Variants in PBRM1 observed in about 807,000 individuals in gnomAD.
PBRM1 encodes protein polybromo-1.
In PBRM1, 27 loss-of-function variants were observed where a neutral mutation model predicts 194.5. The observed-to-expected ratio is 0.14, with a 90% CI of 0.10 to 0.19. The LOEUF is 0.19. Among genes scored for constraint, PBRM1 ranks in the 10% least tolerant of loss-of-function variants. PBRM1 has a pLI of 1.00. For synonymous variants in PBRM1, 655 were observed against 693.2 expected (o/e 0.94, Z 0.87); for missense variants, 1,466 against 2,077.2 (o/e 0.71, Z 5.72).
chr3:52,642,562 T>C (rs986165245), intron 9 of PBRM1, among the ~76,000 whole-genome samples: 10 of 147,818 alleles, frequency 6.8e-5, no homozygotes, highest in East Asian at 2.0e-4. Flanking sequence ...GTTGCAGAGA[T>C]TGTGCCACTG....
chr3:52,592,287 A>C (rs1375586172), intron 17 of PBRM1, among the ~76,000 whole-genome samples: 1 of 151,778 alleles, frequency 6.6e-6, no homozygotes, highest in East Asian at 1.9e-4. Context: ...GCGTGCCACC[A>C]CACCTGGCTA....
At chr3:52,588,991 A>T (rs2092745310) in intron 18 of PBRM1, 79 bp downstream of exon 20, 1 of 1,002,422 alleles carries the variant, frequency 1.0e-6, no homozygotes, top group African/African-American at 1.6e-5. Flanking sequence ...TCTGAGTTAA[A>T]ATTTTCTTCC....
chr3:52,679,256 G>C (rs964551591), intron 1 of PBRM1, among the ~76,000 whole-genome samples: 1 of 148,422 alleles, frequency 6.7e-6, no homozygotes, highest in African/African-American at 2.5e-5. Context: ...TCCCCCGCCT[G>C]GAATCTAAGT....
At chr3:52,647,343 A>G (rs1208654492) in intron 7 of PBRM1, among the ~76,000 whole-genome samples, 1 of 148,556 alleles carries the variant, frequency 6.7e-6, no homozygotes, top group Non-Finnish European at 1.5e-5. Context: ...TAGAGTTTGG[A>G]AAACAGTTTG....
At chr3:52,605,678 T>C (rs1026540926) in intron 16 of PBRM1, among the ~76,000 whole-genome samples, 13 of 149,908 alleles carry the variant, frequency 8.7e-5, no homozygotes, top group African/African-American at 1.7e-4. Context: ...TCTCAGCTCA[T>C]TGCAACCTCT....
intron 15 of PBRM1, among the ~76,000 whole-genome samples, chr3:52,614,533 A>G (rs917197681): frequency 6.6e-6 from 1 of 151,342 alleles, no homozygotes; most frequent in Non-Finnish European, 1.5e-5. Context: ...AATGGTATTA[A>G]TAACTTTTCC....
intron 5 of PBRM1, among the ~76,000 whole-genome samples, chr3:52,652,873 C>G (rs888109709): frequency 6.6e-6 from 1 of 151,904 alleles, no homozygotes; most frequent in Non-Finnish European, 1.5e-5. Flanking sequence ...TGGTGTGCGC[C>G]TGTAATCCCA....
chr3:52,580,098 T>A (rs1328390930), intron 20 of PBRM1, among the ~76,000 whole-genome samples: 1 of 151,980 alleles, frequency 6.6e-6, no homozygotes, highest in Non-Finnish European at 1.5e-5. Flanking sequence ...AAATTAGCTG[T>A]CTTTGGTGAC....
At chr3:52,604,352 G>GA (rs1369077856) in intron 16 of PBRM1, among the ~76,000 whole-genome samples, 2 of 152,102 alleles carry the variant, frequency 1.3e-5, no homozygotes, top group Non-Finnish European at 2.9e-5. Context: ...GTGAAAGATG[G>GA]AAAAAAGATT....
At chr3:52,556,214 T>C (rs961214766) in intron 26 of PBRM1, among the ~76,000 whole-genome samples, 1 of 152,182 alleles carries the variant, frequency 6.6e-6, no homozygotes, top group African/African-American at 2.4e-5. Context: ...AATTCTGAGG[T>C]CGATTCACCC....
chr3:52,649,696 A>G (rs974537782), intron 6 of PBRM1, among the ~76,000 whole-genome samples: 79 of 152,334 alleles, frequency 5.2e-4, no homozygotes, highest in East Asian at 1.5e-3. Context: ...CAGGCATTGG[A>G]AAACAAGTGA....
chr3:52,572,242 T>C (rs1423060316), intron 22 of PBRM1, among the ~76,000 whole-genome samples: 2 of 152,034 alleles, frequency 1.3e-5, no homozygotes, highest in Admixed American at 1.3e-4. Flanking sequence ...AAATCTACTG[T>C]GAAGGGAACA....
At chr3:52,554,092 A>AC (rs2153423902) in intron 27 of PBRM1, among the ~76,000 whole-genome samples, 2 of 152,244 alleles carry the variant, frequency 1.3e-5, no homozygotes, top group African/African-American at 4.8e-5. Flanking sequence ...GAGCCATTAC[A>AC]CCTGGCATGT....
intron 17 of PBRM1, among the ~76,000 whole-genome samples, chr3:52,593,881 A>G (rs1280553000): frequency 6.6e-6 from 1 of 152,122 alleles, no homozygotes; most frequent in Non-Finnish European, 1.5e-5. Context: ...CCATGTGGTA[A>G]TGAGAAGAAT....
chr3:52,629,637 TAA>T (rs1039171290), intron 11 of PBRM1, among the ~76,000 whole-genome samples: 8 of 152,216 alleles, frequency 5.3e-5, no homozygotes, highest in African/African-American at 1.9e-4. Flanking sequence ...GATTTTTACT[TAA>T]AAGTCTTAAG....
chr3:52,644,642 C>T (rs757773909), intron 8 of PBRM1, 62 bp downstream of exon 9: 9 of 732,356 alleles, frequency 1.2e-5, no homozygotes, highest in Non-Finnish European at 1.8e-5. Context: ...CTCAGCCTCC[C>T]AAAGTGCTGA....
chr3:52,658,111 CTTACT>C (rs2096644383), intron 5 of PBRM1, 83 bp downstream of exon 6: 5 of 727,010 alleles, frequency 6.9e-6, no homozygotes, highest in Admixed American at 2.0e-5. Flanking sequence ...TCCTTTTGAA[CTTACT>C]TTATTTATCA....
At chr3:52,595,581 T>C (rs1695323502) in intron 17 of PBRM1, among the ~76,000 whole-genome samples, 1 of 152,228 alleles carries the variant, frequency 6.6e-6, no homozygotes. Flanking sequence ...AACTAATCCA[T>C]TGTGAGATGG....
At chr3:52,630,664 T>C (rs2095589877) in intron 11 of PBRM1, among the ~76,000 whole-genome samples, 1 of 152,176 alleles carries the variant, frequency 6.6e-6, no homozygotes, top group South Asian at 2.1e-4. Context: ...GGCAGCAACA[T>C]TAGACATAAT....
Sources: gnomAD v4.1 joint callset for allele counts (sites outside exome capture counted in the v4.1 genomes callset) on GRCh38, gnomAD v4.1.1 for gene constraint, MANE v1.5 for transcripts, NCBI Gene and HGNC (gene_info 2026-07-23, HGNC 2026-07-21) for gene names.